NDUFAF2: variants seen among roughly 807,000 people sequenced by gnomAD.
The protein encoded by NDUFAF2 is NADH:ubiquinone oxidoreductase complex assembly factor 2.
A neutral mutation model predicts 22.8 loss-of-function variants in NDUFAF2; 13 were observed. That is an observed-to-expected ratio of 0.57 (90% CI 0.37 to 0.91). The LOEUF (loss-of-function observed/expected upper bound fraction) is 0.91, where lower values mean the gene tolerates loss of function less well. Ranked by LOEUF, NDUFAF2 falls within the 40% of genes least tolerant of loss-of-function variation. The pLI is 0.01. For missense variants in NDUFAF2, 162 were observed against 195.2 expected (o/e 0.83, Z 1.01); for synonymous variants, 53 against 64.2 (o/e 0.83, Z 0.84).
At chr5:61,021,766 T>C (rs1751586660) in intron 1 of NDUFAF2, among the ~76,000 whole-genome samples, 1 of 152,212 alleles carries the variant, frequency 6.6e-6, no homozygotes, top group Non-Finnish European at 1.5e-5. Context: ...TCCTTGCTTG[T>C]GTTGTTTAGC....
chr5:61,019,082 A>G (rs1305188058), intron 1 of NDUFAF2, among the ~76,000 whole-genome samples: 4 of 152,102 alleles, frequency 2.6e-5, no homozygotes, highest in Non-Finnish European at 5.9e-5. Context: ...TAAAGACATT[A>G]TGCTAGATAA....
chr5:61,142,175 T>C (rs1741070069), intron 3 of NDUFAF2, among the ~76,000 whole-genome samples: 1 of 152,224 alleles, frequency 6.6e-6, no homozygotes, highest in East Asian at 1.9e-4. Context: ...TTTTTATTAA[T>C]GTTTAACTGC....
intron 1 of NDUFAF2, among the ~76,000 whole-genome samples, chr5:60,960,824 T>C (rs1226452590): frequency 6.6e-6 from 1 of 152,208 alleles, no homozygotes; most frequent in Non-Finnish European, 1.5e-5. Context: ...CTCCATCTTG[T>C]GGTCCAACTC....
At chr5:61,049,164 C>T (rs1751992388) in intron 1 of NDUFAF2, among the ~76,000 whole-genome samples, 1 of 151,952 alleles carries the variant, frequency 6.6e-6, no homozygotes, top group Non-Finnish European at 1.5e-5. Flanking sequence ...CTATTTGAGT[C>T]AATATATTGA....
At chr5:61,131,374 T>G (rs1753110134) in intron 3 of NDUFAF2, among the ~76,000 whole-genome samples, 1 of 151,986 alleles carries the variant, frequency 6.6e-6, no homozygotes, top group African/African-American at 2.4e-5. Context: ...TTTTTTGGTT[T>G]GTTTTTTATG....
chr5:60,949,706 G>A (rs158915), intron 1 of NDUFAF2, among the ~76,000 whole-genome samples: 96,726 of 152,012 alleles, frequency 0.64, 31,202 homozygotes, highest in East Asian at 0.94. Context: ...ATTTAATGTC[G>A]AAATCAGTTT....
intron 1 of NDUFAF2, among the ~76,000 whole-genome samples, chr5:60,955,980 T>G (rs555153163): frequency 6.6e-6 from 1 of 151,724 alleles, no homozygotes; most frequent in East Asian, 2.0e-4. Flanking sequence ...ACTGGCGCGA[T>G]CTCAGCTCAC....
intron 3 of NDUFAF2, among the ~76,000 whole-genome samples, chr5:61,105,668 A>AT (rs1752755020): frequency 6.6e-6 from 1 of 150,632 alleles, no homozygotes; most frequent in Non-Finnish European, 1.5e-5. Context: ...ATGTCATACA[A>AT]TATACCATTT....
intron 3 of NDUFAF2, among the ~76,000 whole-genome samples, chr5:61,108,019 G>T (rs186157832): frequency 6.6e-6 from 1 of 150,992 alleles, no homozygotes; most frequent in African/African-American, 2.5e-5. Flanking sequence ...TGGCTGCATA[G>T]TGACATGAAC....
At chr5:60,985,826 A>G (rs1343899273) in intron 1 of NDUFAF2, among the ~76,000 whole-genome samples, 1 of 152,004 alleles carries the variant, frequency 6.6e-6, no homozygotes, top group African/African-American at 2.4e-5. Context: ...TCACCTCCCC[A>G]CTGGGTTCCT....
intron 2 of NDUFAF2, chr5:61,083,219 T>C (rs1214987955): frequency 1.3e-5 from 2 of 152,148 alleles, no homozygotes; most frequent in Non-Finnish European, 2.9e-5. Flanking sequence ...ATGTTGTTTT[T>C]TTTTTCTTTT....
intron 1 of NDUFAF2, among the ~76,000 whole-genome samples, chr5:61,047,498 G>A (rs1181813685): frequency 3.3e-5 from 5 of 152,102 alleles, no homozygotes. Context: ...GGAAATATTA[G>A]CCATTTCTAG....
chr5:61,084,110 A>G (rs890894913), intron 2 of NDUFAF2, among the ~76,000 whole-genome samples: 1 of 151,618 alleles, frequency 6.6e-6, no homozygotes, highest in Admixed American at 6.6e-5. Flanking sequence ...GGTTTTTTAG[A>G]TGCCTGCTGT....
chr5:60,955,340 T>A (rs1244616483), intron 1 of NDUFAF2, among the ~76,000 whole-genome samples: 1 of 152,220 alleles, frequency 6.6e-6, no homozygotes, highest in Non-Finnish European at 1.5e-5. Flanking sequence ...TTCTTCACTG[T>A]GTGTTCTTGG....
intron 1 of NDUFAF2, among the ~76,000 whole-genome samples, chr5:60,945,598 G>A (rs1043681138): frequency 6.6e-6 from 1 of 152,202 alleles, no homozygotes; most frequent in Non-Finnish European, 1.5e-5. Context: ...GGCCTCGTGC[G>A]TCCGCGGTCC....
At chr5:60,962,877 C>CATTT (rs557797293) in intron 1 of NDUFAF2, among the ~76,000 whole-genome samples, 131 of 151,130 alleles carry the variant, frequency 8.7e-4, no homozygotes, top group African/African-American at 1.5e-3. Flanking sequence ...AAGAGATTGT[C>CATTT]ATTTATTTAT....
chr5:61,101,511 T>C (rs1752705210), intron 3 of NDUFAF2, among the ~76,000 whole-genome samples: 1 of 152,174 alleles, frequency 6.6e-6, no homozygotes, highest in Admixed American at 6.6e-5. Context: ...GCCTACAGAA[T>C]TTGCCACAGT....
At chr5:61,041,431 A>G (rs1460428663) in intron 1 of NDUFAF2, among the ~76,000 whole-genome samples, 1 of 152,150 alleles carries the variant, frequency 6.6e-6, no homozygotes, top group Non-Finnish European at 1.5e-5. Context: ...AGTTTTTTTC[A>G]TGAATTTTAA....
chr5:61,123,314 C>A (rs1393361512), intron 3 of NDUFAF2, among the ~76,000 whole-genome samples: 1 of 152,044 alleles, frequency 6.6e-6, no homozygotes, highest in Non-Finnish European at 1.5e-5. Flanking sequence ...CGTCGTCGTG[C>A]AAATATCAGA....
Sources: allele counts gnomAD v4.1 joint callset (sites outside exome capture counted in the v4.1 genomes callset), GRCh38; gene constraint gnomAD v4.1.1; transcripts MANE v1.5; gene names NCBI Gene and HGNC (gene_info 2026-07-23, HGNC 2026-07-21).